COBL: variants seen among roughly 807,000 people sequenced by gnomAD.
COBL encodes cordon-bleu WH2 repeat protein.
A neutral mutation model predicts 98.8 loss-of-function variants in COBL; 51 were observed. The ratio of observed to expected loss-of-function variants is 0.52; its 90% confidence interval spans 0.41 to 0.65. The LOEUF (loss-of-function observed/expected upper bound fraction) is 0.65, where lower values mean the gene tolerates loss of function less well. Among genes scored for constraint, COBL ranks in the 30% least tolerant of loss-of-function variants. COBL has a pLI of 0.00. For missense variants in COBL, 1,617 were observed against 1,617.5 expected (o/e 1.00, Z 0.01); for synonymous variants, 634 against 651.7 (o/e 0.97, Z 0.41).
intron 5 of COBL, among the ~76,000 whole-genome samples, chr7:51,144,886 T>A (rs1784876046): frequency 6.6e-6 from 1 of 152,262 alleles, no homozygotes; most frequent in Non-Finnish European, 1.5e-5. Flanking sequence ...TCATTCCTTG[T>A]TAAGGCCGAA....
At chr7:51,133,712 G>A (rs1407139801) in intron 6 of COBL, among the ~76,000 whole-genome samples, 2 of 152,142 alleles carry the variant, frequency 1.3e-5, no homozygotes, top group South Asian at 2.1e-4. Context: ...AAGAGCCATG[G>A]GATCTGAGAA....
At chr7:51,304,050 C>G (rs1413273876) in intron 1 of COBL, among the ~76,000 whole-genome samples, 1 of 152,146 alleles carries the variant, frequency 6.6e-6, no homozygotes, top group Non-Finnish European at 1.5e-5. Context: ...AATGCTCCCC[C>G]AAAACCACTC....
At chr7:51,308,253 T>C (rs968245171) in intron 1 of COBL, among the ~76,000 whole-genome samples, 2 of 152,166 alleles carry the variant, frequency 1.3e-5, no homozygotes, top group Admixed American at 1.3e-4. Flanking sequence ...TGAACAAAAG[T>C]ATACACTTCG....
intron 8 of COBL, among the ~76,000 whole-genome samples, chr7:51,042,914 G>A (rs1789344693): frequency 6.6e-6 from 1 of 152,198 alleles, no homozygotes; most frequent in Admixed American, 6.5e-5. Context: ...AACTGCATAA[G>A]CATTTCAGGT....
At chr7:51,066,705 C>T (rs1350424920) in intron 7 of COBL, among the ~76,000 whole-genome samples, 3 of 152,134 alleles carry the variant, frequency 2.0e-5, no homozygotes, top group Admixed American at 6.5e-5. Flanking sequence ...CCGCTGGCAG[C>T]GAATCTATGA....
intron 1 of COBL, among the ~76,000 whole-genome samples, chr7:51,228,974 T>C (rs1356083011): frequency 6.6e-6 from 1 of 152,116 alleles, no homozygotes; most frequent in African/African-American, 2.4e-5. Flanking sequence ...TGAAATGGAA[T>C]AGATCAGAGA....
At chr7:51,266,360 C>T (rs954746320) in intron 1 of COBL, among the ~76,000 whole-genome samples, 1 of 152,214 alleles carries the variant, frequency 6.6e-6, no homozygotes, top group Non-Finnish European at 1.5e-5. Flanking sequence ...AGGTGGATCA[C>T]CTGAGGTCGG....
intron 12 of COBL, among the ~76,000 whole-genome samples, chr7:51,023,570 G>A (rs1352774918): frequency 2.0e-5 from 3 of 152,210 alleles, no homozygotes; most frequent in Non-Finnish European, 4.4e-5. Flanking sequence ...GAATCAGTGG[G>A]CGCTCAGGCT....
chr7:51,106,399 C>G (rs1348473685), intron 6 of COBL, among the ~76,000 whole-genome samples: 2 of 152,102 alleles, frequency 1.3e-5, no homozygotes, highest in Non-Finnish European at 2.9e-5. Context: ...TTGCTGGAAG[C>G]AGTATCCCGG....
At chr7:51,075,146 A>T (rs1792943971) in intron 7 of COBL, among the ~76,000 whole-genome samples, 1 of 152,212 alleles carries the variant, frequency 6.6e-6, no homozygotes. Context: ...TGGAAAATGG[A>T]TGTACAACTC....
chr7:51,226,894 A>G (rs1650388594), intron 1 of COBL, among the ~76,000 whole-genome samples: 2 of 152,232 alleles, frequency 1.3e-5, no homozygotes, highest in South Asian at 2.1e-4. Flanking sequence ...CCCATTTTAC[A>G]GACAGGGTGG....
intron 1 of COBL, among the ~76,000 whole-genome samples, chr7:51,295,609 G>A (rs1801354038): frequency 6.6e-6 from 1 of 152,122 alleles, no homozygotes; most frequent in African/African-American, 2.4e-5. Flanking sequence ...CGACATCCTG[G>A]AGACAAGGAT....
At chr7:51,272,377 C>T (rs1798840222) in intron 1 of COBL, among the ~76,000 whole-genome samples, 1 of 152,158 alleles carries the variant, frequency 6.6e-6, no homozygotes, top group African/African-American at 2.4e-5. Context: ...TATGTTTCAT[C>T]CCAGGCAGTC....
chr7:51,269,543 C>T (rs935957035), intron 1 of COBL, among the ~76,000 whole-genome samples: 4 of 152,186 alleles, frequency 2.6e-5, no homozygotes, highest in South Asian at 2.1e-4. Flanking sequence ...TGCTCAGGAG[C>T]GTGGGCTCCA....
At chr7:51,116,106 A>G (rs1253425413) in intron 6 of COBL, among the ~76,000 whole-genome samples, 1 of 152,068 alleles carries the variant, frequency 6.6e-6, no homozygotes, top group African/African-American at 2.4e-5. Context: ...TTTATTCAAA[A>G]TAGGTTCTTA....
chr7:51,084,220 A>G (rs2289176), intron 7 of COBL, among the ~76,000 whole-genome samples: 9,399 of 152,272 alleles, frequency 0.062, 473 homozygotes, highest in East Asian at 0.31. Flanking sequence ...CTAAAGGTCC[A>G]GAAACTGCCA....
intron 6 of COBL, among the ~76,000 whole-genome samples, chr7:51,099,804 G>A (rs546108804): frequency 6.6e-6 from 1 of 152,090 alleles, no homozygotes; most frequent in Admixed American, 6.5e-5. Flanking sequence ...CTCACATTCG[G>A]TTTGTGATAA....
At chr7:51,212,849 G>A (rs948116993) in intron 2 of COBL, among the ~76,000 whole-genome samples, 1 of 152,156 alleles carries the variant, frequency 6.6e-6, no homozygotes, top group Admixed American at 6.5e-5. Flanking sequence ...CTGGGAATTT[G>A]CATTTCTAAC....
chr7:51,295,052 C>T (rs1801293791), intron 1 of COBL, among the ~76,000 whole-genome samples: 2 of 151,794 alleles, frequency 1.3e-5, no homozygotes, highest in South Asian at 2.1e-4. Context: ...TTTGGGAGAC[C>T]GAGGCAGGCA....
Sources: allele counts gnomAD v4.1 joint callset (sites outside exome capture counted in the v4.1 genomes callset), GRCh38; gene constraint gnomAD v4.1.1; transcripts MANE v1.5; gene names NCBI Gene and HGNC (gene_info 2026-07-23, HGNC 2026-07-21).